The following MTUS2 variants were observed in gnomAD, a reference collection of about 807,000 sequenced individuals.
MTUS2 encodes the protein microtubule associated scaffold protein 2, also known as microtubule-associated tumor suppressor candidate 2.
MTUS2 carries 40 observed loss-of-function variants against 114.1 expected under a neutral mutation model. The observed-to-expected ratio is 0.35, with a 90% CI of 0.27 to 0.46. MTUS2 has a LOEUF of 0.46. Among genes scored for constraint, MTUS2 ranks in the 20% least tolerant of loss-of-function variants. The probability of loss-of-function intolerance (pLI) is 1.00; values close to 1 mark genes in which losing one functional copy is unlikely to be tolerated. For missense variants in MTUS2, 1,679 were observed against 1,705.4 expected (o/e 0.98, Z 0.27); for synonymous variants, 688 against 672.0 (o/e 1.02, Z -0.37).
At chr13:29,360,730 C>A (rs1870170041) in intron 8 of MTUS2, among the ~76,000 whole-genome samples, 1 of 123,120 alleles carries the variant, frequency 8.1e-6, no homozygotes, top group Non-Finnish European at 1.6e-5. Context: ...AACACGTCTT[C>A]AAGGAGCCCA....
intron 2 of MTUS2, among the ~76,000 whole-genome samples, chr13:28,901,388 T>C (rs1452287913): frequency 2.6e-5 from 4 of 152,220 alleles, no homozygotes; most frequent in African/African-American, 4.8e-5. Context: ...TTTAATGTTT[T>C]CTTGTATGGA....
chr13:29,180,604 T>A (rs986436651), intron 5 of MTUS2, among the ~76,000 whole-genome samples: 1 of 152,206 alleles, frequency 6.6e-6, no homozygotes, highest in Admixed American at 6.5e-5. Context: ...CCGTGCTTCA[T>A]TGATTTTCTA....
intron 5 of MTUS2, among the ~76,000 whole-genome samples, chr13:29,164,285 T>TGG (rs1893224257): frequency 2.0e-5 from 3 of 152,338 alleles, no homozygotes; most frequent in Non-Finnish European, 4.4e-5. Context: ...CCAGTCAGCA[T>TGG]CATTTGCTTT....
chr13:29,168,784 A>G (rs1035490516), intron 5 of MTUS2, among the ~76,000 whole-genome samples: 2 of 152,118 alleles, frequency 1.3e-5, no homozygotes, highest in Non-Finnish European at 2.9e-5. Context: ...GTAAGTTCTA[A>G]GGAGGAGGGA....
At chr13:28,891,383 T>C (rs978914061) in intron 2 of MTUS2, among the ~76,000 whole-genome samples, 5 of 152,228 alleles carry the variant, frequency 3.3e-5, no homozygotes, top group African/African-American at 1.2e-4. Context: ...TCTACTCTTT[T>C]ATGTTTCACA....
chr13:29,473,385 G>A (rs1459786126), intron 9 of MTUS2, among the ~76,000 whole-genome samples: 1 of 152,162 alleles, frequency 6.6e-6, no homozygotes, highest in East Asian at 1.9e-4. Context: ...ACTTGGGACA[G>A]TCGTTGAGAG....
At chr13:29,191,075 A>G (rs1034736113) in intron 5 of MTUS2, among the ~76,000 whole-genome samples, 3 of 152,100 alleles carry the variant, frequency 2.0e-5, no homozygotes, top group Admixed American at 6.5e-5. Flanking sequence ...GGTTTTGGCC[A>G]TGGCATTGTC....
chr13:29,350,171 T>C (rs946822090), intron 7 of MTUS2, among the ~76,000 whole-genome samples: 1 of 152,136 alleles, frequency 6.6e-6, no homozygotes, highest in Non-Finnish European at 1.5e-5. Context: ...CTTACAGTTC[T>C]GTATGTTAGA....
chr13:28,825,942 C>G (rs914294336), intron 1 of MTUS2, among the ~76,000 whole-genome samples: 2 of 152,130 alleles, frequency 1.3e-5, no homozygotes, highest in African/African-American at 4.8e-5. Flanking sequence ...GTCATGACTT[C>G]ATGTGGTCTC....
intron 2 of MTUS2, among the ~76,000 whole-genome samples, chr13:28,864,349 G>A (rs1877171889): frequency 2.6e-5 from 4 of 152,156 alleles, no homozygotes; most frequent in Admixed American, 2.0e-4. Context: ...ATTTTATGGG[G>A]TAGGCAAGGT....
At chr13:28,946,311 G>GCT (rs1555276640) in intron 2 of MTUS2, among the ~76,000 whole-genome samples, 1 of 149,946 alleles carries the variant, frequency 6.7e-6, no homozygotes, top group Non-Finnish European at 1.5e-5. Flanking sequence ...GTGTGCGCGC[G>GCT]CACATACCTG....
chr13:29,098,454 ACACACACACACACATGTGCGTGCATG>A (rs1237819664), intron 4 of MTUS2, among the ~76,000 whole-genome samples: 11 of 17,918 alleles, frequency 6.1e-4, no homozygotes, highest in Admixed American at 2.2e-3. Flanking sequence ...CTAAACACAC[ACACACACACACACATGTGCGTGCATG>A]CACACACACA....
At chr13:29,255,183 A>G (rs1172596813) in intron 5 of MTUS2, among the ~76,000 whole-genome samples, 1 of 152,184 alleles carries the variant, frequency 6.6e-6, no homozygotes, top group African/African-American at 2.4e-5. Context: ...ATGTAAGCAG[A>G]AGTGGCCAAG....
chr13:29,389,330 TATATATGTATGCAC>T (rs1872903407), intron 8 of MTUS2, among the ~76,000 whole-genome samples: 1 of 66,022 alleles, frequency 1.5e-5, no homozygotes, highest in African/African-American at 4.6e-5. Flanking sequence ...CATATGTGTG[TATATATGTATGCAC>T]GTGTGTGTAT....
intron 4 of MTUS2, among the ~76,000 whole-genome samples, chr13:29,056,036 T>C (rs1445320599): frequency 6.6e-6 from 1 of 152,182 alleles, no homozygotes; most frequent in Non-Finnish European, 1.5e-5. Flanking sequence ...TAGTTTCTTT[T>C]GCTGTGCAGA....
At chr13:28,978,090 G>A (rs2138282281) in intron 2 of MTUS2, among the ~76,000 whole-genome samples, 1 of 152,234 alleles carries the variant, frequency 6.6e-6, no homozygotes, top group Admixed American at 6.5e-5. Flanking sequence ...TTAAAGAACT[G>A]TATTTTTTTC....
chr13:29,023,597 G>A (rs1886383975), intron 2 of MTUS2, among the ~76,000 whole-genome samples: 1 of 152,102 alleles, frequency 6.6e-6, no homozygotes, highest in South Asian at 2.1e-4. Context: ...ATTATAGCAC[G>A]ATTACACACC....
intron 5 of MTUS2, among the ~76,000 whole-genome samples, chr13:29,174,588 A>G (rs1893693830): frequency 6.6e-6 from 1 of 152,202 alleles, no homozygotes; most frequent in Non-Finnish European, 1.5e-5. Flanking sequence ...TTTGCATTCT[A>G]AAATTACCCT....
At chr13:29,250,804 G>A (rs1897097675) in intron 5 of MTUS2, among the ~76,000 whole-genome samples, 1 of 152,108 alleles carries the variant, frequency 6.6e-6, no homozygotes, top group Admixed American at 6.5e-5. Flanking sequence ...TAAGTACCAA[G>A]AATTTCTAGT....
Sources: gnomAD v4.1 joint callset for allele counts (sites outside exome capture counted in the v4.1 genomes callset) on GRCh38, gnomAD v4.1.1 for gene constraint, MANE v1.5 for transcripts, NCBI Gene and HGNC (gene_info 2026-07-23, HGNC 2026-07-21) for gene names.